The following MEOX2 variants were observed in gnomAD, a reference collection of about 807,000 sequenced individuals.
The protein encoded by MEOX2 is homeobox protein MOX-2.
A neutral mutation model predicts 27.0 loss-of-function variants in MEOX2; 11 were observed. The observed-to-expected ratio is 0.41, with a 90% CI of 0.26 to 0.68. MEOX2 has a LOEUF of 0.68. MEOX2 is among the 30% of genes least tolerant of loss of function. The pLI, the probability that MEOX2 is intolerant of heterozygous loss-of-function variation, is 0.33. For synonymous variants in MEOX2, 189 were observed against 155.4 expected, an observed-to-expected ratio of 1.22 and a Z score of -1.61; for missense variants, 436 against 385.4, an observed-to-expected ratio of 1.13 and a Z score of -1.10.
chr7:15,677,324 C>CT (rs1446286752), intron 1 of MEOX2: 2 of 152,124 alleles, frequency 1.3e-5, no homozygotes, highest in Non-Finnish European at 2.9e-5. Context: ...ACTCAATTTC[C>CT]TTTTCAGAAA....
At chr7:15,645,536 T>G (rs1781628363) in intron 1 of MEOX2, among the ~76,000 whole-genome samples, 1 of 152,186 alleles carries the variant, frequency 6.6e-6, no homozygotes. Context: ...TTGGAATTAT[T>G]TTTTATTGAA....
At chr7:15,655,005 T>A (rs912191387) in intron 1 of MEOX2, among the ~76,000 whole-genome samples, 1 of 151,702 alleles carries the variant, frequency 6.6e-6, no homozygotes, top group Non-Finnish European at 1.5e-5. Context: ...TGACATCATA[T>A]GGGCCTGTAT....
chr7:15,647,958 A>G (rs1277184807), intron 1 of MEOX2, among the ~76,000 whole-genome samples: 1 of 152,094 alleles, frequency 6.6e-6, no homozygotes, highest in Admixed American at 6.6e-5. Flanking sequence ...AAATTCAAAT[A>G]ATGGAAACAT....
chr7:15,675,607 TCC>T (rs1782180526), intron 1 of MEOX2, among the ~76,000 whole-genome samples: 2 of 152,216 alleles, frequency 1.3e-5, no homozygotes, highest in African/African-American at 2.4e-5. Context: ...CTGGGCACAT[TCC>T]CTCATCTAGG....
chr7:15,654,416 C>A (rs113293037), intron 1 of MEOX2, among the ~76,000 whole-genome samples: 12 of 151,482 alleles, frequency 7.9e-5, no homozygotes, highest in Non-Finnish European at 1.6e-4. Context: ...CCTTTTCTGG[C>A]CTTATTGAAT....
At chr7:15,625,368 C>T (rs142094908) in intron 2 of MEOX2, among the ~76,000 whole-genome samples, 5 of 152,262 alleles carry the variant, frequency 3.3e-5, no homozygotes, top group African/African-American at 1.2e-4. Context: ...AAGGAAAATG[C>T]TGTGCTCCAT....
intron 1 of MEOX2, chr7:15,676,060 G>A (rs1247945754): frequency 3.3e-5 from 5 of 152,040 alleles, no homozygotes; most frequent in Non-Finnish European, 7.4e-5. Flanking sequence ...TTAAAATTTC[G>A]CTGAAGTCAT....
intron 2 of MEOX2, among the ~76,000 whole-genome samples, chr7:15,619,301 T>A (rs1781177893): frequency 6.6e-6 from 1 of 152,010 alleles, no homozygotes; most frequent in African/African-American, 2.4e-5. Context: ...CTGGGAGTGA[T>A]CTTTCATAGC....
At chr7:15,662,719 C>T (rs1204488954) in intron 1 of MEOX2, among the ~76,000 whole-genome samples, 1 of 152,076 alleles carries the variant, frequency 6.6e-6, no homozygotes, top group Admixed American at 6.6e-5. Flanking sequence ...TTTCCACATC[C>T]TCTTTAAAAG....
chr7:15,631,231 C>CAA (rs372742398), intron 1 of MEOX2, among the ~76,000 whole-genome samples: 21 of 141,684 alleles, frequency 1.5e-4, no homozygotes, highest in East Asian at 1.0e-3. Flanking sequence ...CTTCAAAATG[C>CAA]AAAAAAAAAA....
At position 15,686,284 on chromosome 7, in the gene MEOX2, T is replaced by C. The variant is rs200846592; in HGVS notation, c.119A>G (p.Glu40Gly). The change falls in exon 1 of 3, where the codon GAG (glutamate) becomes GGG (glycine). Residue 40 changes from glutamate (E) to glycine (G), a missense_variant. Glu to Gly is a moderately conservative substitution (Grantham distance 98). Coordinates refer to ENST00000262041, the MANE Select transcript of MEOX2 (RefSeq NM_005924.5). ...HGRSDHMSYP[E>G]LSTSSSSCII... ...GCAAGATGAGGAAGAAGTAGAGAGC[T>C]CGGGGTAAGACATATGGTCAGATCT... is the stretch of plus-strand genomic sequence containing the variant. 6.2e-7 allele frequency: 1 copy of C among 1,612,198 alleles called. No individual in the cohort carries two copies. The highest frequency in any genetic ancestry group is 8.5e-7 in the Non-Finnish European group (1 of 1,179,192).
At chr7:15,685,788 C>A (rs1210824510) in intron 1 of MEOX2, 98 bp downstream of exon 1, 1 of 1,464,548 alleles carries the variant, frequency 6.8e-7, no homozygotes, top group Non-Finnish European at 9.1e-7. Context: ...TTCCCATCTT[C>A]CCTGCTGCCA....
At chr7:15,674,341 G>A (rs2115393072) in intron 1 of MEOX2, among the ~76,000 whole-genome samples, 1 of 152,210 alleles carries the variant, frequency 6.6e-6, no homozygotes, top group South Asian at 2.1e-4. Context: ...AGTCCTGGGG[G>A]AAAGAACTAA....
chr7:15,677,410 T>A (rs1782214014), intron 1 of MEOX2: 1 of 152,192 alleles, frequency 6.6e-6, no homozygotes, highest in Non-Finnish European at 1.5e-5. Flanking sequence ...TAGCCCTAAC[T>A]ATTGTGTTCT....
At chr7:15,652,472 T>G (rs576091971) in intron 1 of MEOX2, among the ~76,000 whole-genome samples, 1 of 152,094 alleles carries the variant, frequency 6.6e-6, no homozygotes, top group East Asian at 1.9e-4. Flanking sequence ...GCAATAACAC[T>G]GCCACATTGG....
chr7:15,634,188 T>C (rs1425139705), intron 1 of MEOX2, among the ~76,000 whole-genome samples: 2 of 151,972 alleles, frequency 1.3e-5, no homozygotes, highest in East Asian at 1.9e-4. Context: ...CCAGAGATTA[T>C]AGTTCTGAAC....
chr7:15,679,457 A>T (rs1782258332), intron 1 of MEOX2: 1 of 152,166 alleles, frequency 6.6e-6, no homozygotes, highest in South Asian at 2.1e-4. Context: ...AAGAAAGCTT[A>T]TGAACACAAA....
At chr7:15,627,808 A>AACACACACACACACACACACACCCACAC (rs71549949) in intron 1 of MEOX2, among the ~76,000 whole-genome samples, 2 of 147,296 alleles carry the variant, frequency 1.4e-5, no homozygotes, top group Admixed American at 1.4e-4. Context: ...ATCAATAGTA[A>AACACACACACACACACACACACCCACAC]ACACACACAC....
chr7:15,662,499 G>A (rs1310385906), intron 1 of MEOX2, among the ~76,000 whole-genome samples: 1 of 151,944 alleles, frequency 6.6e-6, no homozygotes. Flanking sequence ...ACTTTTGAAT[G>A]ATACTAGATT....
Sources: allele counts gnomAD v4.1 joint callset (sites outside exome capture counted in the v4.1 genomes callset), GRCh38; gene constraint gnomAD v4.1.1; transcripts MANE v1.5; gene names NCBI Gene and HGNC (gene_info 2026-07-23, HGNC 2026-07-21).